Variants in SUGCT observed in about 807,000 individuals in gnomAD.
SUGCT encodes succinyl-CoA:glutarate-CoA transferase.
In SUGCT, 41 loss-of-function variants were observed where a neutral mutation model predicts 55.0. The ratio of observed to expected loss-of-function variants is 0.74; its 90% CI spans 0.58 to 0.97. The LOEUF is 0.97. Ranked by LOEUF, SUGCT falls within the 50% of genes least tolerant of loss-of-function variation. SUGCT has a pLI of 0.00. For synonymous variants in SUGCT, 187 were observed against 200.4 expected, an observed-to-expected ratio of 0.93 and a Z score of 0.56; for missense variants, 568 against 547.8, an observed-to-expected ratio of 1.04 and a Z score of -0.37.
chr7:40,783,309 C>T (rs1789851598), intron 13 of SUGCT, among the ~76,000 whole-genome samples: 2 of 152,116 alleles, frequency 1.3e-5, no homozygotes, highest in South Asian at 4.1e-4. Context: ...GAATCCCATA[C>T]AGAATGAGAT....
intron 9 of SUGCT, among the ~76,000 whole-genome samples, chr7:40,382,941 A>G (rs931202344): frequency 2.0e-5 from 3 of 152,228 alleles, no homozygotes; most frequent in East Asian, 1.9e-4. Flanking sequence ...CACAGATTAC[A>G]TTCATTAATT....
intron 3 of SUGCT, among the ~76,000 whole-genome samples, chr7:40,187,532 T>C (rs1171048748): frequency 1.3e-5 from 2 of 152,200 alleles, no homozygotes. Flanking sequence ...TTTCCTGTCA[T>C]GTGCCATGGA....
chr7:40,831,795 C>T (rs1477822143), intron 13 of SUGCT, among the ~76,000 whole-genome samples: 2 of 152,186 alleles, frequency 1.3e-5, no homozygotes, highest in African/African-American at 4.8e-5. Context: ...CCAACCCCAG[C>T]CTGAATTCAG....
intron 7 of SUGCT, among the ~76,000 whole-genome samples, chr7:40,241,655 C>T (rs921647605): frequency 4.0e-5 from 6 of 151,242 alleles, no homozygotes; most frequent in Non-Finnish European, 8.8e-5. Context: ...GGCGTTGTGG[C>T]TCATGCCTGT....
chr7:40,676,497 G>GTTTTTTTTTT (rs1280564538), intron 12 of SUGCT, among the ~76,000 whole-genome samples: 2 of 127,640 alleles, frequency 1.6e-5, no homozygotes, highest in Non-Finnish European at 1.6e-5. Flanking sequence ...TTGCGGTTTT[G>GTTTTTTTTTT]TTTTTTGTTT....
At chr7:40,396,361 A>G (rs1785730491) in intron 9 of SUGCT, among the ~76,000 whole-genome samples, 1 of 152,158 alleles carries the variant, frequency 6.6e-6, no homozygotes, top group African/African-American at 2.4e-5. Flanking sequence ...TTGCCCTGAA[A>G]AGTACTCATT....
intron 9 of SUGCT, among the ~76,000 whole-genome samples, chr7:40,322,480 A>G (rs1405435988): frequency 1.3e-5 from 2 of 152,170 alleles, no homozygotes; most frequent in African/African-American, 4.8e-5. Context: ...GAAGCCCACC[A>G]GACTGTGTTT....
At chr7:40,727,740 T>G (rs1274993034) in intron 12 of SUGCT, among the ~76,000 whole-genome samples, 1 of 152,212 alleles carries the variant, frequency 6.6e-6, no homozygotes, top group African/African-American at 2.4e-5. Flanking sequence ...AGAAAGAGAA[T>G]TTTGTAAACC....
chr7:40,398,771 A>G (rs1785896832), intron 9 of SUGCT, among the ~76,000 whole-genome samples: 1 of 152,082 alleles, frequency 6.6e-6, no homozygotes, highest in African/African-American at 2.4e-5. Context: ...TTTATTTAGC[A>G]TGATTTTGGA....
At chr7:40,427,814 GTT>G (rs567848593) in intron 9 of SUGCT, among the ~76,000 whole-genome samples, 127 of 152,254 alleles carry the variant, frequency 8.3e-4, no homozygotes, top group African/African-American at 2.9e-3. Context: ...GAGTGATATG[GTT>G]TGGATATTTT....
chr7:40,600,666 T>G (rs914920061), intron 12 of SUGCT, among the ~76,000 whole-genome samples: 3 of 152,056 alleles, frequency 2.0e-5, no homozygotes, highest in Non-Finnish European at 4.4e-5. Flanking sequence ...CCACTTTTCT[T>G]TTTTTCTTGA....
At chr7:40,185,674 C>T (rs1785462697) in intron 3 of SUGCT, among the ~76,000 whole-genome samples, 1 of 152,278 alleles carries the variant, frequency 6.6e-6, no homozygotes, top group East Asian at 1.9e-4. Flanking sequence ...AGGCATATGC[C>T]ATCACCCCCG....
chr7:40,898,511 C>A, the SUGCT span, among the ~76,000 whole-genome samples: 1 of 117,554 alleles, frequency 8.5e-6, no homozygotes, highest in Non-Finnish European at 1.7e-5. Flanking sequence ...ATCACGAGGT[C>A]AGGAGATCGA....
the SUGCT span, among the ~76,000 whole-genome samples, chr7:41,027,244 C>T: frequency 7.9e-5 from 12 of 152,220 alleles, no homozygotes; most frequent in South Asian, 2.1e-4. Context: ...CCTTCCAAGA[C>T]GTCTTGGGAA....
intron 7 of SUGCT, among the ~76,000 whole-genome samples, chr7:40,248,886 T>TCA (rs1554296234): frequency 1.1e-4 from 12 of 111,046 alleles, no homozygotes; most frequent in Non-Finnish European, 1.5e-4. Flanking sequence ...GCGCGCGCGC[T>TCA]CGCACACACA....
intron 9 of SUGCT, among the ~76,000 whole-genome samples, chr7:40,418,677 G>T (rs552726694): frequency 2.6e-5 from 4 of 152,198 alleles, no homozygotes; most frequent in African/African-American, 9.6e-5. Context: ...GGGCTGCAGG[G>T]GTTCTCAGCA....
At chr7:40,514,946 A>T (rs950907911) in intron 12 of SUGCT, among the ~76,000 whole-genome samples, 1 of 152,208 alleles carries the variant, frequency 6.6e-6, no homozygotes, top group Non-Finnish European at 1.5e-5. Context: ...TTTGATTCAC[A>T]GAATATCCTG....
At chr7:40,871,926 G>A in the SUGCT span, among the ~76,000 whole-genome samples, 6 of 152,194 alleles carry the variant, frequency 3.9e-5, no homozygotes, top group Non-Finnish European at 8.8e-5. Context: ...CTAGACCAGT[G>A]GTTCTCTGGG....
At chr7:40,977,413 G>T in the SUGCT span, among the ~76,000 whole-genome samples, 2 of 152,210 alleles carry the variant, frequency 1.3e-5, no homozygotes, top group Non-Finnish European at 2.9e-5. Context: ...TCCCTTGGGG[G>T]TAGATTATTT....
Sources: gnomAD v4.1 joint callset for allele counts (sites outside exome capture counted in the v4.1 genomes callset) on GRCh38, gnomAD v4.1.1 for gene constraint, MANE v1.5 for transcripts, NCBI Gene and HGNC (gene_info 2026-07-23, HGNC 2026-07-21) for gene names.